CLSTN2: variants seen among roughly 807,000 people sequenced by gnomAD.
CLSTN2 encodes the protein calsyntenin-2.
Under a neutral mutation model 101.2 loss-of-function variants are expected in CLSTN2, and 48 were observed. That is an observed-to-expected ratio of 0.47 (90% confidence interval 0.38 to 0.60). The LOEUF (loss-of-function observed/expected upper bound fraction) is 0.60, where lower values mean the gene tolerates loss of function less well. Among genes scored for constraint, CLSTN2 ranks in the 20% least tolerant of loss-of-function variants. CLSTN2 has a pLI of 0.00. For synonymous variants in CLSTN2, 481 were observed against 463.6 expected, an observed-to-expected ratio of 1.04 and a Z score of -0.48; for missense variants, 1,160 against 1,238.2, an observed-to-expected ratio of 0.94 and a Z score of 0.95.
At chr3:140,522,218 G>C (rs528504513) in intron 8 of CLSTN2, among the ~76,000 whole-genome samples, 98 of 152,336 alleles carry the variant, frequency 6.4e-4, no homozygotes, top group African/African-American at 2.3e-3. Flanking sequence ...TGTTTGCCTA[G>C]TCAGTCCCAA....
At position 140,546,417 on chromosome 3, in the gene CLSTN2, A is replaced by T. The variant is rs903668630; in HGVS notation, c.1508-98A>T. On this transcript the variant is annotated intron_variant, in intron 9 of 16. Transcript: ENST00000458420. ...GGAAAAGCTCAGGTTCAGGGGACAC[A>T]CAATCAAGGCGTCTTTGGCTGCATG... 3 of 1,276,192 alleles carry T rather than the reference A, an allele frequency of 2.4e-6. No individual in the cohort carries two copies. The South Asian group carries it at 4.4e-5, about 19-fold the overall frequency. The allele number at this position is 1,276,192 out of a possible 1,614,324, so 79.1% of individuals were successfully genotyped here. A position where few individuals can be genotyped will look rare whatever the true frequency, so the allele number is the denominator to read the frequency against.
At chr3:140,518,587 G>A (rs1559892388) in intron 8 of CLSTN2, among the ~76,000 whole-genome samples, 1 of 152,178 alleles carries the variant, frequency 6.6e-6, no homozygotes, top group African/African-American at 2.4e-5. Flanking sequence ...AGGTTCCCCA[G>A]TAAGGGTGTA....
At chr3:140,237,416 T>G (rs2086427401) in intron 2 of CLSTN2, among the ~76,000 whole-genome samples, 1 of 152,198 alleles carries the variant, frequency 6.6e-6, no homozygotes, top group Non-Finnish European at 1.5e-5. Context: ...GGTAGTTTTC[T>G]CATGTGCATC....
chr3:140,541,434 C>T (rs349554), intron 9 of CLSTN2, among the ~76,000 whole-genome samples: 35,824 of 152,094 alleles, frequency 0.24, 4,829 homozygotes, highest in African/African-American at 0.37. Context: ...GGGAGATTTG[C>T]AAAGTGCTAG....
chr3:140,515,875 A>T, intron 8 of CLSTN2, among the ~76,000 whole-genome samples: 1 of 152,088 alleles, frequency 6.6e-6, no homozygotes, highest in East Asian at 1.9e-4. Flanking sequence ...TTATAGTTTA[A>T]GTAAGTTGTT....
At chr3:140,541,628 G>A (rs954904682) in intron 9 of CLSTN2, among the ~76,000 whole-genome samples, 14 of 152,202 alleles carry the variant, frequency 9.2e-5, no homozygotes, top group African/African-American at 3.4e-4. Context: ...TGGTCCATCT[G>A]CCTAGATGTA....
At chr3:140,101,426 C>G (rs1336222479) in intron 1 of CLSTN2, among the ~76,000 whole-genome samples, 3 of 152,256 alleles carry the variant, frequency 2.0e-5, no homozygotes, top group Non-Finnish European at 2.9e-5. Context: ...CACCACTAGA[C>G]ATCAGGTTGG....
intron 2 of CLSTN2, among the ~76,000 whole-genome samples, chr3:140,371,800 G>A (rs1015656096): frequency 1.6e-4 from 24 of 152,178 alleles, no homozygotes; most frequent in African/African-American, 5.8e-4. Flanking sequence ...TGGTCTGGAA[G>A]CTTCACATTA....
At chr3:140,343,363 A>C (rs2107937501) in intron 2 of CLSTN2, among the ~76,000 whole-genome samples, 1 of 152,276 alleles carries the variant, frequency 6.6e-6, no homozygotes, top group Middle Eastern at 3.4e-3. Context: ...ATAATAGCTA[A>C]CTCTACTATG....
chr3:140,280,545 A>G (rs192076649), intron 2 of CLSTN2, among the ~76,000 whole-genome samples: 34 of 152,320 alleles, frequency 2.2e-4, no homozygotes, highest in Admixed American at 1.9e-3. Flanking sequence ...TCCCATGCCT[A>G]TAAGGAACTG....
intron 1 of CLSTN2, among the ~76,000 whole-genome samples, chr3:140,016,980 G>A (rs924223474): frequency 1.3e-5 from 2 of 152,164 alleles, no homozygotes; most frequent in African/African-American, 4.8e-5. Context: ...CACAAGCGAT[G>A]TCGGTGTCCC....
At chr3:140,549,984 G>A (rs1440042453) in intron 10 of CLSTN2, among the ~76,000 whole-genome samples, 3 of 150,126 alleles carry the variant, frequency 2.0e-5, no homozygotes, top group African/African-American at 7.4e-5. Flanking sequence ...AGATACTGTG[G>A]AATCACCACA....
chr3:140,117,466 AG>A (rs2009264543), intron 1 of CLSTN2, among the ~76,000 whole-genome samples: 1 of 152,170 alleles, frequency 6.6e-6, no homozygotes, highest in Admixed American at 6.5e-5. Flanking sequence ...AGATTTTATG[AG>A]GTAAAGTGGG....
chr3:140,321,966 G>A (rs2087287634), intron 2 of CLSTN2, among the ~76,000 whole-genome samples: 1 of 152,174 alleles, frequency 6.6e-6, no homozygotes, highest in South Asian at 2.1e-4. Flanking sequence ...GCTGGTGTTT[G>A]GCTGCAGGGC....
At position 140,369,194 on chromosome 3, in the gene CLSTN2, G is replaced by A. The variant is rs113013603; in HGVS notation, c.233-34435G>A. Among the ~76,000 whole-genome samples the A allele has an allele frequency of 7.2e-4, 109 of 152,278 alleles. 1 individual carries two copies. Among genetic ancestry groups the A allele is most frequent in the African/African-American group, 2.5e-3 (105 of 41,554 alleles). On this transcript the variant is annotated intron_variant, in intron 2 of 16. Transcript: ENST00000458420. ...CTGTTACCCAGCAACATCTAAGACC[G>A]ATTGTTTAAATGAGGAAGAATAATT...
At chr3:140,265,901 C>T in intron 2 of CLSTN2, among the ~76,000 whole-genome samples, 1 of 152,258 alleles carries the variant, frequency 6.6e-6, no homozygotes, top group South Asian at 2.1e-4. Flanking sequence ...CAGAAAGCAT[C>T]CCTGCACTGG....
intron 1 of CLSTN2, among the ~76,000 whole-genome samples, chr3:140,124,552 TTAAGGG>T (rs1244021780): frequency 2.0e-5 from 3 of 152,104 alleles, no homozygotes; most frequent in African/African-American, 7.2e-5. Flanking sequence ...GCAGGCAATG[TTAAGGG>T]TTAAAGATAA....
intron 1 of CLSTN2, among the ~76,000 whole-genome samples, chr3:140,035,132 A>G (rs1257756254): frequency 1.3e-5 from 2 of 152,224 alleles, no homozygotes; most frequent in Non-Finnish European, 2.9e-5. Flanking sequence ...TTTTTGAAGT[A>G]AACATTTACC....
chr3:140,347,426 C>A (rs1180033358), intron 2 of CLSTN2, among the ~76,000 whole-genome samples: 1 of 152,216 alleles, frequency 6.6e-6, no homozygotes, highest in African/African-American at 2.4e-5. Flanking sequence ...GAGCTCCAGA[C>A]ATTTCCAAAA....
Sources: gnomAD v4.1 joint callset for allele counts (sites outside exome capture counted in the v4.1 genomes callset) on GRCh38, gnomAD v4.1.1 for gene constraint, MANE v1.5 for transcripts, NCBI Gene and HGNC (gene_info 2026-07-23, HGNC 2026-07-21) for gene names.